The following FHOD3 variants were observed in gnomAD, a reference collection of about 807,000 sequenced individuals.
FHOD3 encodes the protein FH1/FH2 domain-containing protein 3.
Under a neutral mutation model 173.0 loss-of-function variants are expected in FHOD3, and 90 were observed. The observed-to-expected ratio is 0.52, with a 90% CI of 0.44 to 0.62. The LOEUF (loss-of-function observed/expected upper bound fraction) is 0.62. Ranked by LOEUF, FHOD3 falls within the 20% of genes least tolerant of loss-of-function variation. The pLI is 0.00. For synonymous variants in FHOD3, 828 were observed against 823.0 expected, an observed-to-expected ratio of 1.01 and a Z score of -0.10; for missense variants, 1,945 against 2,034.7, an observed-to-expected ratio of 0.96 and a Z score of 0.85.
intron 9 of FHOD3, among the ~76,000 whole-genome samples, chr18:36,624,891 C>T (rs2033980470): frequency 6.6e-6 from 1 of 152,206 alleles, no homozygotes; most frequent in Non-Finnish European, 1.5e-5. Flanking sequence ...GGTAAAACTA[C>T]AGGCTCCACT....
At chr18:36,327,096 T>C (rs1020732607) in intron 1 of FHOD3, among the ~76,000 whole-genome samples, 2 of 152,224 alleles carry the variant, frequency 1.3e-5, no homozygotes, top group Admixed American at 1.3e-4. Context: ...TTCCTGCTAA[T>C]TTAGGAAGCA....
chr18:36,324,130 C>G (rs771228973), intron 1 of FHOD3, among the ~76,000 whole-genome samples: 3 of 152,178 alleles, frequency 2.0e-5, no homozygotes, highest in Non-Finnish European at 4.4e-5. Flanking sequence ...TGCAATGGGA[C>G]AAGATTTGTC....
At chr18:36,469,555 A>T (rs1404892913) in intron 3 of FHOD3, among the ~76,000 whole-genome samples, 1 of 152,154 alleles carries the variant, frequency 6.6e-6, no homozygotes, top group African/African-American at 2.4e-5. Context: ...CATGTTTAGG[A>T]CATGAAAACC....
At chr18:36,460,341 T>C (rs1233026875) in intron 3 of FHOD3, among the ~76,000 whole-genome samples, 1 of 152,222 alleles carries the variant, frequency 6.6e-6, no homozygotes, top group Non-Finnish European at 1.5e-5. Flanking sequence ...CCATTGTATG[T>C]ATTTATTGAG....
At chr18:36,547,158 G>A (rs1328233427) in intron 5 of FHOD3, among the ~76,000 whole-genome samples, 8 of 152,126 alleles carry the variant, frequency 5.3e-5, no homozygotes, top group Non-Finnish European at 7.4e-5. Context: ...TTGTGGGGAC[G>A]AAGGACATAT....
chr18:36,505,592 A>G (rs755299599), intron 4 of FHOD3, among the ~76,000 whole-genome samples: 145 of 152,352 alleles, frequency 9.5e-4, no homozygotes, highest in Middle Eastern at 3.4e-3. Context: ...TATTTTCAAC[A>G]GGGTGATTGA....
intron 3 of FHOD3, among the ~76,000 whole-genome samples, chr18:36,482,726 C>G (rs1169644948): frequency 6.6e-6 from 1 of 151,818 alleles, no homozygotes; most frequent in Non-Finnish European, 1.5e-5. Flanking sequence ...TCCCTGAGAG[C>G]AAGTCTTTTA....
At chr18:36,765,904 G>C (rs1032741339) in intron 27 of FHOD3, among the ~76,000 whole-genome samples, 4 of 151,898 alleles carry the variant, frequency 2.6e-5, no homozygotes, top group Non-Finnish European at 4.4e-5. Context: ...AATATTTGAA[G>C]AGATTGAAGA....
intron 19 of FHOD3, among the ~76,000 whole-genome samples, chr18:36,728,880 G>GC (rs1312859367): frequency 2.6e-5 from 4 of 152,214 alleles, no homozygotes; most frequent in African/African-American, 9.6e-5. Flanking sequence ...GTGGGAACCT[G>GC]CCTGCACAGT....
At chr18:36,573,374 G>C (rs961599228) in intron 5 of FHOD3, among the ~76,000 whole-genome samples, 3 of 151,698 alleles carry the variant, frequency 2.0e-5, no homozygotes, top group Non-Finnish European at 4.4e-5. Flanking sequence ...GGATTCCAAG[G>C]CTGGTGGATC....
chr18:36,532,239 C>T (rs1049695941), intron 5 of FHOD3, among the ~76,000 whole-genome samples: 1 of 152,208 alleles, frequency 6.6e-6, no homozygotes, highest in Non-Finnish European at 1.5e-5. Context: ...TGGAGTATCT[C>T]TTTCTCAGTG....
intron 3 of FHOD3, among the ~76,000 whole-genome samples, chr18:36,490,289 C>A (rs1260688321): frequency 6.6e-6 from 1 of 152,126 alleles, no homozygotes; most frequent in Admixed American, 6.5e-5. Context: ...TTTGGAAATG[C>A]AAAGATGGGA....
At chr18:36,690,413 G>C (rs1285910711) in intron 16 of FHOD3, among the ~76,000 whole-genome samples, 1 of 152,134 alleles carries the variant, frequency 6.6e-6, no homozygotes, top group African/African-American at 2.4e-5. Flanking sequence ...GTGTGGCTTC[G>C]CATGGCAGCA....
chr18:36,462,288 C>CGTGTGT (rs148480762), intron 3 of FHOD3, among the ~76,000 whole-genome samples: 4,737 of 149,694 alleles, frequency 0.032, 223 homozygotes, highest in East Asian at 0.24. Context: ...TCAGTTCTCT[C>CGTGTGT]GTGTGTGTGT....
rs894677760 is a variant in FHOD3 at position 36,362,169 on chromosome 18, A to T, written c.272+6524A>T. On this transcript the variant is annotated intron_variant, in intron 2 of 28. Transcript: ENST00000590592. ...AGGGGGCTATGTGGGGGTGAGTGGG[A>T]AGAACTTGGAGTGGGAGGCCTTGAT... Among the ~76,000 whole-genome samples the T allele has an allele frequency of 2.0e-5, 3 of 152,224 alleles. No homozygotes were observed. In the East Asian group the frequency reaches 5.8e-4, roughly 29 times the overall value.
At chr18:36,491,235 A>G (rs115226951) in intron 3 of FHOD3, among the ~76,000 whole-genome samples, 1,987 of 152,198 alleles carry the variant, frequency 0.013, 46 homozygotes, top group African/African-American at 0.045. Flanking sequence ...TTGCCTTTGG[A>G]TATAATTTTT....
chr18:36,765,807 G>A (rs1020958862), intron 27 of FHOD3, among the ~76,000 whole-genome samples: 1 of 152,030 alleles, frequency 6.6e-6, no homozygotes, highest in South Asian at 2.1e-4. Context: ...AAAATGGAAA[G>A]AATAGAATAA....
At chr18:36,649,996 A>C (rs73949828) in intron 11 of FHOD3, among the ~76,000 whole-genome samples, 11,306 of 152,168 alleles carry the variant, frequency 0.074, 738 homozygotes, top group East Asian at 0.24. Context: ...CCTCCTCTGC[A>C]TGGTGCTTTC....
intron 3 of FHOD3, among the ~76,000 whole-genome samples, chr18:36,379,289 A>T (rs1254778268): frequency 1.3e-5 from 2 of 152,208 alleles, no homozygotes; most frequent in Admixed American, 1.3e-4. Flanking sequence ...GACAGGAACA[A>T]TGTGAATTGA....
Sources: gnomAD v4.1 joint callset for allele counts (sites outside exome capture counted in the v4.1 genomes callset) on GRCh38, gnomAD v4.1.1 for gene constraint, MANE v1.5 for transcripts, NCBI Gene and HGNC (gene_info 2026-07-23, HGNC 2026-07-21) for gene names.